RIMS2: variants seen among roughly 807,000 people sequenced by gnomAD.
The protein encoded by RIMS2 is regulating synaptic membrane exocytosis 2, also known as regulating synaptic membrane exocytosis protein 2.
A neutral mutation model predicts 174.4 loss-of-function variants in RIMS2; 59 were observed. That is an observed-to-expected ratio of 0.34 (90% CI 0.27 to 0.42). RIMS2 has a LOEUF of 0.42. Among genes scored for constraint, RIMS2 ranks in the 10% least tolerant of loss-of-function variants. The pLI is 1.00. For missense variants in RIMS2, 1,620 were observed against 1,666.3 expected, an observed-to-expected ratio of 0.97 and a Z score of 0.48; for synonymous variants, 606 against 572.5, an observed-to-expected ratio of 1.06 and a Z score of -0.84.
At chr8:103,786,467 T>G (rs1370055416) in intron 3 of RIMS2, among the ~76,000 whole-genome samples, 1 of 152,112 alleles carries the variant, frequency 6.6e-6, no homozygotes, top group South Asian at 2.1e-4. Flanking sequence ...TCTGGTATGT[T>G]GTGTCTTTGT....
chr8:104,043,288 G>A (rs1403315362), intron 19 of RIMS2, among the ~76,000 whole-genome samples: 1 of 151,562 alleles, frequency 6.6e-6, no homozygotes, highest in Non-Finnish European at 1.5e-5. Flanking sequence ...AAATAAGACA[G>A]GAAGGTCCCC....
chr8:103,797,781 A>G (rs2098560250), intron 3 of RIMS2, among the ~76,000 whole-genome samples: 1 of 152,156 alleles, frequency 6.6e-6, no homozygotes, highest in African/African-American at 2.4e-5. Flanking sequence ...CATTTTAAAT[A>G]ATTTGCTTGA....
chr8:103,992,956 A>G (rs929335873), intron 17 of RIMS2, among the ~76,000 whole-genome samples: 11 of 152,170 alleles, frequency 7.2e-5, no homozygotes, highest in African/African-American at 2.7e-4. Flanking sequence ...TTAGAAATCA[A>G]TACAAAAATT....
chr8:104,119,780 A>G (rs2098342408), intron 19 of RIMS2, among the ~76,000 whole-genome samples: 1 of 152,190 alleles, frequency 6.6e-6, no homozygotes, highest in Non-Finnish European at 1.5e-5. Context: ...TGCCTATCAT[A>G]TTGCTGCAGT....
At chr8:104,220,980 G>T (rs2099152214) in intron 19 of RIMS2, among the ~76,000 whole-genome samples, 1 of 152,066 alleles carries the variant, frequency 6.6e-6, no homozygotes, top group Non-Finnish European at 1.5e-5. Flanking sequence ...TTAAGTTAGG[G>T]ATGTCCAGTC....
chr8:103,847,479 A>G (rs368787730), intron 3 of RIMS2, among the ~76,000 whole-genome samples: 2 of 152,086 alleles, frequency 1.3e-5, no homozygotes, highest in African/African-American at 4.8e-5. Flanking sequence ...TTTTTACTGC[A>G]TTAACACTAC....
intron 1 of RIMS2, among the ~76,000 whole-genome samples, chr8:103,595,487 C>G (rs2094447591): frequency 6.6e-6 from 1 of 151,606 alleles, no homozygotes; most frequent in African/African-American, 2.4e-5. Flanking sequence ...CTGAACTTGG[C>G]AGAGGGAAGT....
Position 103,504,487 on chromosome 8 carries a change from A to G in RIMS2, c.176+3425A>G, listed in dbSNP as rs73700422. 6.1e-3 allele frequency among the ~76,000 whole-genome samples: 930 copies of G among 152,292 alleles called. 10 individuals are homozygous for G. The highest frequency in any genetic ancestry group is 0.02 in the African/African-American group (841 of 41,578). Reference sequence around the variant, plus strand: ...GTGAAAAAATGTCTGAGGAAAGCAAACCCACTAAATCAATAGAAAAGTATT... The same window carrying G: ...GTGAAAAAATGTCTGAGGAAAGCAAGCCCACTAAATCAATAGAAAAGTATT... On this transcript the variant is annotated intron_variant, in intron 1 of 23. Coordinates refer to ENST00000504942, the Ensembl canonical transcript of RIMS2.
chr8:103,896,023 G>A (rs2099275583), intron 4 of RIMS2, among the ~76,000 whole-genome samples: 4 of 151,544 alleles, frequency 2.6e-5, no homozygotes, highest in Admixed American at 2.6e-4. Flanking sequence ...ACTTTCTACC[G>A]TGCTCTCTCA....
At chr8:103,794,160 T>A (rs2098529479) in intron 3 of RIMS2, among the ~76,000 whole-genome samples, 1 of 152,054 alleles carries the variant, frequency 6.6e-6, no homozygotes, top group Admixed American at 6.6e-5. Context: ...GCTGGCAGCA[T>A]CACACTACCT....
At chr8:104,079,121 A>T (rs1333303383) in intron 19 of RIMS2, among the ~76,000 whole-genome samples, 1 of 152,176 alleles carries the variant, frequency 6.6e-6, no homozygotes, top group East Asian at 1.9e-4. Context: ...AGATGACAAA[A>T]ACAGCAACTT....
chr8:103,588,296 A>T (rs2094074380), intron 1 of RIMS2, among the ~76,000 whole-genome samples: 1 of 151,994 alleles, frequency 6.6e-6, no homozygotes, highest in Non-Finnish European at 1.5e-5. Context: ...GGATTGAAAG[A>T]ATCAATATTG....
At chr8:103,630,977 C>T (rs1589370387) in intron 1 of RIMS2, among the ~76,000 whole-genome samples, 1 of 151,884 alleles carries the variant, frequency 6.6e-6, no homozygotes, top group South Asian at 2.1e-4. Flanking sequence ...GCCTGTTTTT[C>T]TCTTGTAAAT....
chr8:104,095,692 G>A (rs184460276), intron 19 of RIMS2, among the ~76,000 whole-genome samples: 9 of 152,092 alleles, frequency 5.9e-5, no homozygotes, highest in African/African-American at 2.2e-4. Flanking sequence ...ATTTTGGAGG[G>A]ATGGAGTTTT....
At position 103,944,155 on chromosome 8, in the gene RIMS2, G is replaced by A. The variant is rs147859191; in HGVS notation, c.2701+1229G>A. Among the ~76,000 whole-genome samples the A allele has an allele frequency of 5.7e-3, 873 of 151,964 alleles. 4 individuals carry two copies. Among genetic ancestry groups the A allele is most frequent in the Non-Finnish European group, 8.6e-3 (587 of 67,888 alleles). On this transcript the variant is annotated intron_variant, in intron 14 of 23. Transcript: ENST00000504942. ...CACTTAATACAGTCTTGTACCTTTG[G>A]ATGGTATTAATTGAGCACTAATTCT...
At chr8:104,044,150 A>G (rs577324192) in intron 19 of RIMS2, among the ~76,000 whole-genome samples, 2 of 151,722 alleles carry the variant, frequency 1.3e-5, no homozygotes, top group South Asian at 2.1e-4. Context: ...ACGTTCTCTG[A>G]TGAAGCTGAG....
At chr8:104,219,559 A>G (rs373796800) in intron 19 of RIMS2, among the ~76,000 whole-genome samples, 132 of 152,348 alleles carry the variant, frequency 8.7e-4, no homozygotes, top group African/African-American at 3.1e-3. Flanking sequence ...GTCAAATATG[A>G]TACTATGATA....
intron 2 of RIMS2, among the ~76,000 whole-genome samples, chr8:103,727,769 G>C (rs974924649): frequency 2.0e-5 from 3 of 152,056 alleles, no homozygotes; most frequent in Non-Finnish European, 2.9e-5. Flanking sequence ...TTTGTTTCTG[G>C]GTTCTGTAGT....
At chr8:103,839,851 G>T (rs367856865) in intron 3 of RIMS2, among the ~76,000 whole-genome samples, 137 of 152,298 alleles carry the variant, frequency 9.0e-4, no homozygotes, top group African/African-American at 3.2e-3. Context: ...CTATGAATAT[G>T]TAGCGCAAAA....
Sources: allele counts gnomAD v4.1 joint callset (sites outside exome capture counted in the v4.1 genomes callset), GRCh38; gene constraint gnomAD v4.1.1; transcripts MANE v1.5; gene names NCBI Gene and HGNC (gene_info 2026-07-23, HGNC 2026-07-21).